The following SAA2 variants were observed in gnomAD, a reference collection of about 807,000 sequenced individuals.
SAA2 encodes serum amyloid A-2 protein.
A neutral mutation model predicts 9.1 loss-of-function variants in SAA2; 5 were observed. The ratio of observed to expected loss-of-function variants is 0.55; its 90% CI spans 0.29 to 1.16. SAA2 has a LOEUF of 1.16. SAA2 is among the 50% of genes most tolerant of loss of function. The pLI is 0.09. For synonymous variants in SAA2, 49 were observed against 59.8 expected, an observed-to-expected ratio of 0.82 and a Z score of 0.83; for missense variants, 94 against 153.8, an observed-to-expected ratio of 0.61 and a Z score of 2.06.
downstream of SAA2, among the ~76,000 whole-genome samples, chr11:18,238,456 C>T (rs542343230): frequency 6.6e-6 from 1 of 152,176 alleles, no homozygotes; most frequent in African/African-American, 2.4e-5. Context: ...ATTTGAAGAG[C>T]TTTCCCTACT....
At chr11:18,239,992 A>C (rs748185435) in intron 3 of SAA2, 1 of 1,550,678 alleles carries the variant, frequency 6.4e-7, no homozygotes, top group South Asian at 1.2e-5. Flanking sequence ...GATTAATAGG[A>C]GAAAAAGTCA....
downstream of SAA2, chr11:18,242,523 C>T: frequency 4.3e-6 from 2 of 462,590 alleles, no homozygotes; most frequent in Non-Finnish European, 7.6e-6. Flanking sequence ...CAATGTGAAT[C>T]TGGGCAGCCT....
In SAA2 at chr11:18,245,959, C is replaced by T. The variant is rs761735429; in HGVS notation, c.181G>A (p.Asp61Asn). The T allele has an allele frequency of 3.7e-6, 6 of 1,613,954 alleles. No homozygotes were observed. The highest frequency in any genetic ancestry group is 5.1e-6 in the Non-Finnish European group (6 of 1,179,994). ...CCCCCAGGTCCCCTTTTGGCAGCAT[C>T]ATAGTTCCCCCGAGCATGGAAGTAT... ...DKYFHARGNY[D>N]AAKRGPGGAW... Residue 61 changes from aspartate (D) to asparagine (N), a missense_variant, in exon 3 of 4, where the codon GAT becomes AAT. Transcript: ENST00000256733.
chr11:18,246,705 A>G (rs7113681), intron 2 of SAA2, among the ~76,000 whole-genome samples: 8,531 of 148,742 alleles, frequency 0.057, 374 homozygotes, highest in African/African-American at 0.1. Flanking sequence ...CTACATTTTC[A>G]TATTTTTAGT....
At position 18,246,292 on chromosome 11, in the gene SAA2, A is replaced by G. The variant is rs866353133; in HGVS notation, c.92-244T>C. ...TGCCTATGATAAGATCCAGGAGTGT[A>G]TATGAATGAGGTGGTGACATGGAAT... is the stretch of plus-strand genomic sequence containing the variant. On this transcript the variant is annotated intron_variant, in intron 2 of 3. Transcript: ENST00000256733. 5.0e-3 allele frequency among the ~76,000 whole-genome samples: 751 copies of G among 150,262 alleles called. 3 individuals carry two copies. Among genetic ancestry groups the G allele is most frequent in the African/African-American group, 0.016 (657 of 40,706 alleles).
rs1383923202 is a variant in SAA2, at chr11:18,245,555, C to A, written c.231-40G>T. The A allele has an allele frequency of 3.7e-6, 6 of 1,609,234 alleles. No homozygotes were observed. The Admixed American group carries it at 5.0e-5, about 13-fold the overall frequency. ...GGCAAGAAGGAGATTAATCATCAGG[C>A]CAGTGAGCAACAGCTCACCCTCCCA... On this transcript the variant is annotated intron_variant, in intron 3 of 3. Coordinates refer to ENST00000256733, the MANE Select transcript of SAA2 (RefSeq NM_030754.5).
rs769524250 is a variant in SAA2 at position 18,245,343 on chromosome 11, G to C, written c.*34C>G. 1.1e-5 allele frequency: 18 copies of C among 1,612,904 alleles called. No individual in the cohort carries two copies. Among genetic ancestry groups the C allele is most frequent in the Non-Finnish European group, 1.4e-5 (17 of 1,179,458 alleles). On this transcript the variant is annotated 3_prime_UTR_variant, in exon 4 of 4. Transcript: ENST00000256733. ...GTATCCCTGCCCCGAGGGCCTCATA[G>C]CCAGGTCTCCTGAGAGCAGAGTGAA...
downstream of SAA2, among the ~76,000 whole-genome samples, chr11:18,244,236 C>A (rs141158821): frequency 2.0e-4 from 30 of 152,320 alleles, no homozygotes; most frequent in African/African-American, 6.0e-4. Context: ...TACATTTTGG[C>A]AAGATACAGT....
downstream of SAA2, among the ~76,000 whole-genome samples, chr11:18,244,051 T>G (rs1014085924): frequency 6.6e-6 from 1 of 152,228 alleles, no homozygotes; most frequent in Non-Finnish European, 1.5e-5. Context: ...GGACAACCAG[T>G]GGCACTTGCC....
In SAA2 at chr11:18,239,533, CCTT is replaced by C. The variant is rs1857283316; in HGVS notation, c.*412_*414del. 7.6e-6 allele frequency: 3 copies of C among 397,128 alleles called. No homozygotes were observed. In the East Asian group the frequency reaches 1.1e-4, roughly 14 times the overall value. The allele number at this position is 397,128 out of a possible 1,614,324, so 24.6% of individuals were successfully genotyped here. A position where few individuals can be genotyped will look rare whatever the true frequency, so the allele number is the denominator to read the frequency against. On this transcript the variant is annotated 3_prime_UTR_variant, in exon 4 of 4. Transcript: ENST00000414546. ...TCACTGCTCCATTTAGTTCTCCAGA[CCTT>C]CTCCTGCAACCACCTTCACGAGATA...
exon 4 of SAA2, chr11:18,239,528 C>T: frequency 5.0e-6 from 2 of 396,800 alleles, no homozygotes; most frequent in Non-Finnish European, 8.9e-6. Context: ...ATTTAGTTCT[C>T]CAGACCTTCT....
At chr11:18,239,353 G>T in exon 4 of SAA2, 1 of 194,038 alleles carries the variant, frequency 5.2e-6, no homozygotes, top group Non-Finnish European at 1.0e-5. Context: ...TGTATTAATT[G>T]CCCTCATTAC....
At chr11:18,244,461 G>A (rs1357343037), downstream of SAA2, among the ~76,000 whole-genome samples, 1 of 152,140 alleles carries the variant, frequency 6.6e-6, no homozygotes, top group African/African-American at 2.4e-5. Flanking sequence ...TAAACTATTT[G>A]CCATCCAATG....
exon 4 of SAA2, chr11:18,239,491 T>A: frequency 2.6e-6 from 1 of 388,446 alleles, no homozygotes; most frequent in Non-Finnish European, 4.5e-6. Flanking sequence ...TATCATACCA[T>A]CTCCCATTCT....
In SAA2 at chr11:18,247,379, G is replaced by A. The variant is rs796800764; in HGVS notation, c.91+542C>T. Among the ~76,000 whole-genome samples, 17 of 148,462 alleles carry A rather than the reference G, an allele frequency of 1.1e-4. No homozygotes were observed. The South Asian group carries it at 3.5e-3, about 31-fold the overall frequency. ...AACAGCCTTAGTCATACTCCTATGC[G>A]ATTTATGCTGAGGGACATTTTATAC... is the stretch of plus-strand genomic sequence containing the variant. On this transcript the variant is annotated intron_variant, in intron 2 of 3. Transcript: ENST00000256733.
At chr11:18,247,846 C>T (rs1857634929) in intron 2 of SAA2, 75 bp downstream of exon 2, 1 of 1,604,672 alleles carries the variant, frequency 6.2e-7, no homozygotes, top group Admixed American at 1.7e-5. Flanking sequence ...CTTCCGAAAG[C>T]ATCATTTTCC....
chr11:18,245,082 G>C (rs1247642957), downstream of SAA2: 5 of 405,206 alleles, frequency 1.2e-5, no homozygotes, highest in Admixed American at 2.1e-4. Context: ...TTGTGGAAGG[G>C]TTGATGCAGG....
chr11:18,248,591 T>C lies in SAA2; in HGVS notation c.-5+12A>G. 1 of 157,636 alleles carries C rather than the reference T, an allele frequency of 6.3e-6. No homozygotes were observed. The highest frequency in any genetic ancestry group is 1.9e-4 in the East Asian group (1 of 5,246). 9.8% of individuals were successfully genotyped at this position (157,636 alleles called of 1,614,324 possible). A position where few individuals can be genotyped will look rare whatever the true frequency, so the allele number is the denominator to read the frequency against. ...GTAAGTTTTAAAAATCACTCCTTGGTGTGCTCCTCACCTGATCTGTGCTGT... is the reference window on the plus strand; with the variant it reads ...GTAAGTTTTAAAAATCACTCCTTGGCGTGCTCCTCACCTGATCTGTGCTGT... On this transcript the variant is annotated intron_variant, in intron 1 of 3. Transcript: ENST00000256733.
intron 2 of SAA2, among the ~76,000 whole-genome samples, chr11:18,246,878 C>A (rs1381238848): frequency 2.6e-5 from 4 of 152,208 alleles, no homozygotes; most frequent in Non-Finnish European, 5.9e-5. Flanking sequence ...CCAGGCCACA[C>A]CCCAGGCCAG....
Sources: gnomAD v4.1 joint callset for allele counts (sites outside exome capture counted in the v4.1 genomes callset) on GRCh38, gnomAD v4.1.1 for gene constraint, MANE v1.5 for transcripts, NCBI Gene and HGNC (gene_info 2026-07-23, HGNC 2026-07-21) for gene names.